The following NME7 variants were observed in gnomAD, a reference collection of about 807,000 sequenced individuals.
NME7 encodes nucleoside diphosphate kinase 7.
A neutral mutation model predicts 49.1 loss-of-function variants in NME7; 41 were observed. The ratio of observed to expected loss-of-function variants is 0.83; its 90% CI spans 0.65 to 1.08. NME7 has a LOEUF of 1.08. NME7 is among the 50% of genes least tolerant of loss of function. NME7 has a pLI of 0.00. For missense variants in NME7, 423 were observed against 463.4 expected, an observed-to-expected ratio of 0.91 and a Z score of 0.80; for synonymous variants, 139 against 150.6, an observed-to-expected ratio of 0.92 and a Z score of 0.56.
chr1:169,174,407 T>G (rs982026458), intron 10 of NME7, among the ~76,000 whole-genome samples: 1 of 152,162 alleles, frequency 6.6e-6, no homozygotes, highest in Non-Finnish European at 1.5e-5. Flanking sequence ...TGCCCTTCTA[T>G]TTAAGAAACA....
At chr1:169,138,855 G>C (rs1658508615) in intron 11 of NME7, among the ~76,000 whole-genome samples, 1 of 152,174 alleles carries the variant, frequency 6.6e-6, no homozygotes, top group Non-Finnish European at 1.5e-5. Flanking sequence ...GCCCAGAGTA[G>C]AGTGGTGCTG....
At chr1:169,287,740 GTTAA>G (rs3835447) in intron 6 of NME7, among the ~76,000 whole-genome samples, 10,566 of 151,926 alleles carry the variant, frequency 0.07, 1,447 homozygotes, top group East Asian at 0.66. Context: ...CAAAGCATTA[GTTAA>G]TTAGACACAA....
rs182610084 is a variant in NME7, at chr1:169,305,439, C to T, written c.390-2244G>A. Among the ~76,000 whole-genome samples the T allele has an allele frequency of 2.4e-4, 37 of 152,292 alleles. No homozygotes were observed. The East Asian group carries it at 3.3e-3, about 13-fold the overall frequency. On this transcript the variant is annotated intron_variant, in intron 4 of 11. Transcript: ENST00000367811. ...TATCTTCTGGATATTGTCATCATGG[C>T]GGAACCGACATTTGAACAAACAATT...
At chr1:169,251,950 C>T (rs1648643386) in intron 7 of NME7, among the ~76,000 whole-genome samples, 3 of 149,790 alleles carry the variant, frequency 2.0e-5, no homozygotes, top group African/African-American at 7.4e-5. Flanking sequence ...TTTCTTAATC[C>T]AGTCTATCAT....
chr1:169,323,484 G>C (rs1359029911), intron 2 of NME7, among the ~76,000 whole-genome samples: 1 of 151,982 alleles, frequency 6.6e-6, no homozygotes, highest in Non-Finnish European at 1.5e-5. Context: ...TAACATAAAA[G>C]CTTCTTATTA....
At chr1:169,160,165 A>C (rs1358465039) in intron 11 of NME7, among the ~76,000 whole-genome samples, 2 of 152,154 alleles carry the variant, frequency 1.3e-5, no homozygotes, top group African/African-American at 4.8e-5. Context: ...TTAGAAAAGC[A>C]TTCGGTCCCT....
intron 7 of NME7, among the ~76,000 whole-genome samples, chr1:169,239,740 C>T (rs1648003189): frequency 6.6e-6 from 1 of 151,916 alleles, no homozygotes; most frequent in East Asian, 1.9e-4. Flanking sequence ...GGAGACAGTA[C>T]TTTATATAAA....
chr1:169,153,876 T>A (rs1013220378), intron 11 of NME7, among the ~76,000 whole-genome samples: 1 of 151,888 alleles, frequency 6.6e-6, no homozygotes, highest in Non-Finnish European at 1.5e-5. Flanking sequence ...TTTTTTTTTT[T>A]TTTTTATTTT....
At chr1:169,283,717 CT>C (rs1650140849) in intron 7 of NME7, 1 of 152,078 alleles carries the variant, frequency 6.6e-6, no homozygotes, top group Admixed American at 6.6e-5. Flanking sequence ...CTTAGTTTGG[CT>C]GGATATGAAA....
At chr1:169,152,862 A>G (rs1298458910) in intron 11 of NME7, among the ~76,000 whole-genome samples, 2 of 152,276 alleles carry the variant, frequency 1.3e-5, no homozygotes, top group African/African-American at 4.8e-5. Context: ...AAAACCTTTG[A>G]TGGCTTCCAG....
At chr1:169,139,986 G>A (rs1404343891) in intron 11 of NME7, among the ~76,000 whole-genome samples, 5 of 152,116 alleles carry the variant, frequency 3.3e-5, no homozygotes, top group Non-Finnish European at 5.9e-5. Context: ...TAATAGTATC[G>A]TATTAATGTT....
intron 6 of NME7, among the ~76,000 whole-genome samples, chr1:169,287,785 T>C (rs1317410967): frequency 6.6e-6 from 1 of 152,110 alleles, no homozygotes; most frequent in Non-Finnish European, 1.5e-5. Flanking sequence ...TTAAAATATG[T>C]AAAATAAAAT....
At chr1:169,224,321 C>T (rs1180402385) in intron 10 of NME7, among the ~76,000 whole-genome samples, 1 of 152,146 alleles carries the variant, frequency 6.6e-6, no homozygotes, top group Non-Finnish European at 1.5e-5. Flanking sequence ...AGATCGGGCA[C>T]CCTATGCCAG....
At chr1:169,165,037 A>C (rs1262514126) in intron 11 of NME7, among the ~76,000 whole-genome samples, 3 of 152,220 alleles carry the variant, frequency 2.0e-5, no homozygotes, top group African/African-American at 7.2e-5. Flanking sequence ...AGATCATTGT[A>C]GTTACAACCA....
chr1:169,168,941 T>G, intron 11 of NME7: 1 of 452,334 alleles, frequency 2.2e-6, no homozygotes, highest in Non-Finnish European at 4.4e-6. Context: ...ACCAGCACAG[T>G]TCAAACATTG....
At chr1:169,173,672 A>T (rs77724235) in intron 10 of NME7, among the ~76,000 whole-genome samples, 1 of 152,166 alleles carries the variant, frequency 6.6e-6, no homozygotes, top group Non-Finnish European at 1.5e-5. Flanking sequence ...ACTAAAAGTG[A>T]GAGTGAAATA....
chr1:169,169,623 T>G, intron 10 of NME7, 69 bp from the exon 11 acceptor site: 1 of 1,351,224 alleles, frequency 7.4e-7, no homozygotes, highest in Admixed American at 1.7e-5. Context: ...ACACTAGCTA[T>G]ATGAAACGCT....
chr1:169,183,785 G>A (rs931592870), intron 10 of NME7, among the ~76,000 whole-genome samples: 1 of 151,818 alleles, frequency 6.6e-6, no homozygotes, highest in African/African-American at 2.4e-5. Flanking sequence ...CTAGGCGACA[G>A]AGCGAGACTC....
intron 7 of NME7, among the ~76,000 whole-genome samples, chr1:169,283,616 C>A (rs527943402): frequency 6.6e-6 from 1 of 152,256 alleles, no homozygotes; most frequent in Non-Finnish European, 1.5e-5. Context: ...GTGCTTCTTT[C>A]AAGAGCTCTC....
Sources: allele counts gnomAD v4.1 joint callset (sites outside exome capture counted in the v4.1 genomes callset), GRCh38; gene constraint gnomAD v4.1.1; transcripts MANE v1.5; gene names NCBI Gene and HGNC (gene_info 2026-07-23, HGNC 2026-07-21).